Variants in CNTNAP4 observed in about 807,000 individuals in gnomAD.
The protein encoded by CNTNAP4 is contactin associated protein family member 4, also known as contactin-associated protein-like 4.
Under a neutral mutation model 148.4 loss-of-function variants are expected in CNTNAP4, and 98 were observed. The observed-to-expected ratio is 0.66, with a 90% confidence interval of 0.56 to 0.78. The LOEUF (loss-of-function observed/expected upper bound fraction) is 0.78. Ranked by LOEUF, CNTNAP4 falls within the 30% of genes least tolerant of loss-of-function variation. CNTNAP4 has a pLI of 0.00. For synonymous variants in CNTNAP4, 730 were observed against 565.1 expected (o/e 1.29, Z -4.14); for missense variants, 1,935 against 1,565.6 (o/e 1.24, Z -3.98).
At chr16:76,371,048 C>T (rs972799355) in intron 3 of CNTNAP4, among the ~76,000 whole-genome samples, 3 of 152,074 alleles carry the variant, frequency 2.0e-5, no homozygotes, top group Non-Finnish European at 4.4e-5. Flanking sequence ...TCATTTTTGC[C>T]ACATAATCGA....
In CNTNAP4 at chr16:76,382,744, A is replaced by AG. The variant is rs373059521; in HGVS notation, c.390+27236dup. Among the ~76,000 whole-genome samples, 193 of 152,302 alleles carry AG rather than the reference A, an allele frequency of 1.3e-3. 1 individual carries two copies. The highest frequency in any genetic ancestry group is 4.2e-3 in the African/African-American group (174 of 41,582). On this transcript the variant is annotated intron_variant, in intron 3 of 23. Coordinates refer to ENST00000611870, the MANE Select transcript of CNTNAP4 (RefSeq NM_033401.5). ...ATGATATCTCCTAGCACCTAGACTGAGGGCACTAAATACCACTTTCCTCTA... is the reference window on the plus strand; with the variant it reads ...ATGATATCTCCTAGCACCTAGACTGAGGGGCACTAAATACCACTTTCCTCTA...
rs1406554260 is a variant in CNTNAP4, at chr16:76,512,160, T to C, written c.2366-8980T>C. Among the ~76,000 whole-genome samples the C allele has an allele frequency of 2.0e-5, 3 of 151,570 alleles. No individual in the cohort carries two copies. In the East Asian group the frequency reaches 5.8e-4, roughly 29 times the overall value. On this transcript the variant is annotated intron_variant, in intron 15 of 23. Transcript: ENST00000611870. The stretch of plus-strand genomic sequence containing the variant: ...GGAGCAGAGTGGGCAAGAAAGAGAG[T>C]GGTAGAAGTCAGAGAGAAACCTGGT...
At chr16:76,385,151 G>T (rs1330430621) in intron 3 of CNTNAP4, among the ~76,000 whole-genome samples, 2 of 152,094 alleles carry the variant, frequency 1.3e-5, no homozygotes, top group Non-Finnish European at 2.9e-5. Context: ...AACGCATTTT[G>T]TTGATTTGCC....
rs575662277 is a variant in CNTNAP4, at chr16:76,528,920, C to T, written c.2756-6625C>T. ...CAGAAGGCTTTTGAGCAATCCCTGA[C>T]GTTTCAAATATTAGAACAATTAACT... On this transcript the variant is annotated intron_variant, in intron 17 of 23. Transcript: ENST00000611870. 1.3e-4 allele frequency among the ~76,000 whole-genome samples: 20 copies of T among 152,232 alleles called. No individual in the cohort carries two copies. In the South Asian group the frequency reaches 3.5e-3, roughly 27 times the overall value.
intron 1 of CNTNAP4, among the ~76,000 whole-genome samples, chr16:76,302,126 A>G (rs747212386): frequency 6.6e-6 from 1 of 152,234 alleles, no homozygotes; most frequent in Non-Finnish European, 1.5e-5. Context: ...TAGCCAGGGA[A>G]GGTACAATTT....
chr16:76,554,678 G>C (rs1479258787), intron 23 of CNTNAP4, among the ~76,000 whole-genome samples: 1 of 151,792 alleles, frequency 6.6e-6, no homozygotes, highest in Non-Finnish European at 1.5e-5. Flanking sequence ...ATATGATACG[G>C]ATATAGAAAG....
chr16:76,555,873 C>T (rs1329805246), intron 23 of CNTNAP4, among the ~76,000 whole-genome samples: 1 of 152,166 alleles, frequency 6.6e-6, no homozygotes, highest in Non-Finnish European at 1.5e-5. Flanking sequence ...ATTGCAGAGA[C>T]TAAACTTCAG....
chr16:76,336,781 T>C (rs908290576), intron 2 of CNTNAP4, among the ~76,000 whole-genome samples: 1 of 152,198 alleles, frequency 6.6e-6, no homozygotes, highest in African/African-American at 2.4e-5. Context: ...AGTTGACATG[T>C]TGGTTGATAA....
chr16:76,431,406 G>A (rs9936347), intron 4 of CNTNAP4, among the ~76,000 whole-genome samples: 9,945 of 151,964 alleles, frequency 0.065, 1,017 homozygotes, highest in African/African-American at 0.22. Flanking sequence ...AGGGCAAGGC[G>A]CGGTGGCTCA....
At chr16:76,455,503 A>G (rs1209571602) in intron 8 of CNTNAP4, among the ~76,000 whole-genome samples, 4 of 151,972 alleles carry the variant, frequency 2.6e-5, no homozygotes, top group Admixed American at 2.6e-4. Context: ...CCTCCCTTTC[A>G]CTGTTGAAAT....
At chr16:76,344,483 T>A (rs1447060867) in intron 2 of CNTNAP4, among the ~76,000 whole-genome samples, 2 of 152,338 alleles carry the variant, frequency 1.3e-5, no homozygotes, top group Admixed American at 6.5e-5. Context: ...AACAAAATAC[T>A]CATGCACATA....
intron 4 of CNTNAP4, among the ~76,000 whole-genome samples, chr16:76,430,101 C>G (rs2079556447): frequency 6.6e-6 from 1 of 152,158 alleles, no homozygotes; most frequent in Non-Finnish European, 1.5e-5. Flanking sequence ...CTCAATTACA[C>G]CATAGTCATG....
At chr16:76,376,642 T>A (rs998078001) in intron 3 of CNTNAP4, among the ~76,000 whole-genome samples, 1 of 152,210 alleles carries the variant, frequency 6.6e-6, no homozygotes, top group African/African-American at 2.4e-5. Context: ...CTGTGCAGAC[T>A]GTGATATGGC....
At position 76,559,181 on chromosome 16, in the gene CNTNAP4, C is replaced by G. The variant is rs980284780; in HGVS notation, c.*498C>G. 2.0e-5 allele frequency: 3 copies of G among 152,246 alleles called. No individual in the cohort carries two copies. The highest frequency in any genetic ancestry group is 2.9e-5 in the Non-Finnish European group (2 of 68,114). The allele number at this position is 152,246 out of a possible 1,614,324, so 9.4% of individuals were successfully genotyped here. ...TTCAGTGGCCACAAGCATAATAAAG[C>G]CCCTTTGCCTTTCTCTGTATTATAT... On this transcript the variant is annotated 3_prime_UTR_variant, in exon 24 of 24. Coordinates refer to ENST00000611870, the MANE Select transcript of CNTNAP4 (RefSeq NM_033401.5).
At chr16:76,300,399 C>G (rs924447735) in intron 1 of CNTNAP4, among the ~76,000 whole-genome samples, 1 of 151,736 alleles carries the variant, frequency 6.6e-6, no homozygotes, top group African/African-American at 2.4e-5. Context: ...CAGGGCCTGT[C>G]GGGGTTGGGG....
chr16:76,410,877 C>T (rs1023900842), intron 3 of CNTNAP4, among the ~76,000 whole-genome samples: 2 of 151,426 alleles, frequency 1.3e-5, no homozygotes, highest in African/African-American at 4.8e-5. Context: ...TACAATTGGG[C>T]ATGTCTCAGA....
chr16:76,453,017 C>T (rs950896822), intron 8 of CNTNAP4, among the ~76,000 whole-genome samples: 2 of 152,138 alleles, frequency 1.3e-5, no homozygotes, highest in African/African-American at 4.8e-5. Context: ...TTTCACGACC[C>T]TGTCTCCCAC....
At position 76,462,608 on chromosome 16, in the gene CNTNAP4, A is replaced by G. The variant is rs1478972529; in HGVS notation, c.1483+503A>G. Among the ~76,000 whole-genome samples the G allele has an allele frequency of 2.0e-5, 3 of 152,210 alleles. No homozygotes were observed. In the East Asian group the frequency reaches 5.8e-4, roughly 29 times the overall value. Reference sequence around the variant, plus strand: ...ATGCACTGATACATTTGATGAAATCAGGGCATCAGCCTTCGACACCAGCTC... The same window carrying G: ...ATGCACTGATACATTTGATGAAATCGGGGCATCAGCCTTCGACACCAGCTC... On this transcript the variant is annotated intron_variant, in intron 9 of 23. Coordinates refer to ENST00000611870, the MANE Select transcript of CNTNAP4 (RefSeq NM_033401.5).
At chr16:76,442,977 G>T (rs561774741) in intron 4 of CNTNAP4, among the ~76,000 whole-genome samples, 1 of 152,046 alleles carries the variant, frequency 6.6e-6, no homozygotes, top group Non-Finnish European at 1.5e-5. Context: ...GGCTGAAAAG[G>T]GGGCTAGACT....
Sources: allele counts gnomAD v4.1 joint callset (sites outside exome capture counted in the v4.1 genomes callset), GRCh38; gene constraint gnomAD v4.1.1; transcripts MANE v1.5; gene names NCBI Gene and HGNC (gene_info 2026-07-23, HGNC 2026-07-21).